COL4A3: variants seen among roughly 807,000 people sequenced by gnomAD.
COL4A3 encodes collagen type IV alpha 3 chain, also known as collagen alpha-3(IV) chain.
A neutral mutation model predicts 217.4 loss-of-function variants in COL4A3; 135 were observed. The ratio of observed to expected loss-of-function variants is 0.62; its 90% CI spans 0.54 to 0.72. The LOEUF (loss-of-function observed/expected upper bound fraction) is 0.72, where lower values mean the gene tolerates loss of function less well. Among genes scored for constraint, COL4A3 ranks in the 30% least tolerant of loss-of-function variants. The probability of loss-of-function intolerance (pLI) is 0.00; values close to 1 mark genes in which losing one functional copy is unlikely to be tolerated. For synonymous variants in COL4A3, 690 were observed against 736.3 expected (o/e 0.94, Z 1.02); for missense variants, 1,868 against 2,119.9 (o/e 0.88, Z 2.33).
At chr2:227,202,627 C>T (rs959004649) in intron 1 of COL4A3, among the ~76,000 whole-genome samples, 1 of 150,250 alleles carries the variant, frequency 6.7e-6, no homozygotes, top group African/African-American at 2.4e-5. Flanking sequence ...CCCAGCTACT[C>T]GGGAGGCTGA....
chr2:227,280,363 A>G, intron 29 of COL4A3, 77 bp from the exon 30 acceptor site: 1 of 1,540,422 alleles, frequency 6.5e-7, no homozygotes. Flanking sequence ...AGGGACTTAG[A>G]GCCTCCATAA....
In COL4A3 at chr2:227,266,601, A is replaced by T. The variant is rs556234540; in HGVS notation, c.1408+92A>T. 5 of 924,754 alleles carry T rather than the reference A, an allele frequency of 5.4e-6. No homozygotes were observed. In the African/African-American group the frequency reaches 6.5e-5, roughly 12 times the overall value. The allele number at this position is 924,754 out of a possible 1,614,324, so 57.3% of individuals were successfully genotyped here. ...TCCCCCTGAGATAACAATGATCCCA[A>T]ATAGCTACCAGTCAGTGATGACTTA... On this transcript the variant is annotated intron_variant, in intron 22 of 51. Transcript: ENST00000396578.
intron 1 of COL4A3, among the ~76,000 whole-genome samples, chr2:227,216,224 G>A (rs569999146): frequency 6.6e-6 from 1 of 152,266 alleles, no homozygotes; most frequent in East Asian, 1.9e-4. Flanking sequence ...GGTAAATTTG[G>A]CAAGGTGCAT....
Position 227,303,917 on chromosome 2 carries a change from A to C in COL4A3, c.4014A>C (p.Pro1338=), listed in dbSNP as rs1309070159. 1.4e-5 allele frequency: 22 copies of C among 1,614,234 alleles called. No individual in the cohort carries two copies. The highest frequency in any genetic ancestry group is 1.9e-5 in the Non-Finnish European group (22 of 1,180,020). The part of the protein sequence containing the change: ...GSIGPPGPIG[P]KGPPGVRGDP... ...TTGGACCTCCAGGACCAATTGGGCC[A>C]AAAGGACCACCTGGTAAATAAACGT... The change falls in exon 45 of 52, where the codon CCA becomes CCC. Residue 1338 remains proline (P), a synonymous_variant. Coordinates refer to ENST00000396578, the MANE Select transcript of COL4A3 (RefSeq NM_000091.5).
At chr2:227,266,656 C>A in intron 22 of COL4A3, 147 bp downstream of exon 22, 1 of 728,778 alleles carries the variant, frequency 1.4e-6, no homozygotes, top group Non-Finnish European at 2.4e-6. Flanking sequence ...ATTCATTTAT[C>A]TGTAAATCAA....
chr2:227,224,028 A>G (rs762830132), intron 1 of COL4A3, among the ~76,000 whole-genome samples: 134 of 152,220 alleles, frequency 8.8e-4, no homozygotes, highest in Non-Finnish European at 1.3e-3. Context: ...ACTGCTGGGC[A>G]GAAAAGTCAA....
chr2:227,244,929 C>T (rs370770024), intron 4 of COL4A3, 22 bp from the exon 5 acceptor site: 31 of 1,611,512 alleles, frequency 1.9e-5, no homozygotes, highest in East Asian at 2.2e-5. Flanking sequence ...TTGCCACCCC[C>T]TCCTTTTTCC....
At chr2:227,172,581 C>CTTTTTT (rs11315628) in intron 1 of COL4A3, among the ~76,000 whole-genome samples, 64 of 73,562 alleles carry the variant, frequency 8.7e-4, no homozygotes, top group Non-Finnish European at 1.0e-3. Flanking sequence ...TCGTCTTCTT[C>CTTTTTT]TTTTTTTTTT....
At chr2:227,255,655 T>G (rs2070115719) in intron 15 of COL4A3, among the ~76,000 whole-genome samples, 1 of 152,202 alleles carries the variant, frequency 6.6e-6, no homozygotes, top group African/African-American at 2.4e-5. Flanking sequence ...ATAAATGGAC[T>G]GTAAACACCT....
intron 18 of COL4A3, among the ~76,000 whole-genome samples, chr2:227,257,895 A>C (rs1386055488): frequency 6.6e-6 from 1 of 152,244 alleles, no homozygotes; most frequent in East Asian, 1.9e-4. Context: ...AGCTTTGTCT[A>C]AGCAGCCCAG....
chr2:227,244,285 G>A, intron 3 of COL4A3, 35 bp from the exon 4 acceptor site: 1 of 1,603,748 alleles, frequency 6.2e-7, no homozygotes, highest in Non-Finnish European at 8.5e-7. Flanking sequence ...ATAATTTTCA[G>A]AGTGTTTACT....
At chr2:227,224,563 C>T (rs1312654112) in intron 1 of COL4A3, among the ~76,000 whole-genome samples, 1 of 152,104 alleles carries the variant, frequency 6.6e-6, no homozygotes, top group African/African-American at 2.4e-5. Context: ...CCAGCCTGTC[C>T]AACATGGTGA....
At chr2:227,188,312 C>A (rs774310138) in intron 1 of COL4A3, among the ~76,000 whole-genome samples, 1 of 151,448 alleles carries the variant, frequency 6.6e-6, no homozygotes, top group African/African-American at 2.4e-5. Context: ...ACATTGTATC[C>A]TTTTTTCTAG....
chr2:227,186,007 A>G lies in COL4A3; in HGVS notation c.87+21194A>G, dbSNP rs943459327. ...GTGGGCTACTGGAAGTGTCCAGATAATGAAGGAGTCAGCATCTCCTACAGG... is the reference window on the plus strand; with the variant it reads ...GTGGGCTACTGGAAGTGTCCAGATAGTGAAGGAGTCAGCATCTCCTACAGG... On this transcript the variant is annotated intron_variant, in intron 1 of 51. Coordinates refer to ENST00000396578, the MANE Select transcript of COL4A3 (RefSeq NM_000091.5). Among the ~76,000 whole-genome samples the G allele has an allele frequency of 2.0e-5, 3 of 152,232 alleles. No homozygotes were observed. The East Asian group carries it at 5.8e-4, about 29-fold the overall frequency.
At chr2:227,289,070 C>A in intron 34 of COL4A3, 80 bp from the exon 35 acceptor site, 1 of 1,043,638 alleles carries the variant, frequency 9.6e-7, no homozygotes, top group Non-Finnish European at 1.5e-6. Context: ...CCTGCCTCAG[C>A]CTCCCACGTA....
intron 1 of COL4A3, among the ~76,000 whole-genome samples, chr2:227,184,891 CTTTTTTTTTTTTTTT>C (rs34345055): frequency 8.0e-5 from 5 of 62,566 alleles, no homozygotes; most frequent in African/African-American, 6.4e-5. Context: ...CCTCACTGGC[CTTTTTTTTTTTTTTT>C]TTTTTTTTTT....
chr2:227,279,952 T>C (rs2071848571), intron 29 of COL4A3, 62 bp downstream of exon 29: 1 of 1,060,756 alleles, frequency 9.4e-7, no homozygotes, highest in Non-Finnish European at 1.4e-6. Context: ...GGCCAGTTTG[T>C]ATGCACTTAT....
intron 42 of COL4A3, 137 bp from the exon 43 acceptor site, chr2:227,298,545 C>T: frequency 1.6e-6 from 2 of 1,259,404 alleles, no homozygotes; most frequent in Admixed American, 1.9e-5. Context: ...ACCACAATCC[C>T]ATCACATGCT....
chr2:227,277,333 A>G, intron 27 of COL4A3, 116 bp from the exon 28 acceptor site: 1 of 734,566 alleles, frequency 1.4e-6, no homozygotes, highest in East Asian at 2.7e-5. Flanking sequence ...AAAAAAAAAA[A>G]AAAAAAACAA....
Sources: allele counts gnomAD v4.1 joint callset (sites outside exome capture counted in the v4.1 genomes callset), GRCh38; gene constraint gnomAD v4.1.1; transcripts MANE v1.5; gene names NCBI Gene and HGNC (gene_info 2026-07-23, HGNC 2026-07-21).